Variants in WDHD1 observed in about 807,000 individuals in gnomAD.
WDHD1 encodes WD repeat and HMG-box DNA-binding protein 1.
WDHD1 carries 111 observed loss-of-function variants against 135.4 expected under a neutral mutation model. That is an observed-to-expected ratio of 0.82 (90% CI 0.70 to 0.96). The LOEUF is 0.96. Ranked by LOEUF, WDHD1 falls within the 40% of genes least tolerant of loss-of-function variation. WDHD1 has a pLI of 0.00. For missense variants in WDHD1, 1,351 were observed against 1,336.3 expected (o/e 1.01, Z -0.17); for synonymous variants, 434 against 439.0 (o/e 0.99, Z 0.14).
At chr14:54,989,923 C>T (rs1168067784) in intron 12 of WDHD1, among the ~76,000 whole-genome samples, 2 of 152,132 alleles carry the variant, frequency 1.3e-5, no homozygotes, top group Non-Finnish European at 2.9e-5. Flanking sequence ...CTTGGCCTCC[C>T]AAAGTGCTGG....
chr14:54,960,420 A>G lies in WDHD1; in HGVS notation c.2701+2078T>C, dbSNP rs570275269. On this transcript the variant is annotated intron_variant, in intron 21 of 25. Coordinates refer to ENST00000360586, the MANE Select transcript of WDHD1 (RefSeq NM_007086.4). ...CCTGACCTCGTGATCCACCCTCCTC[A>G]GCCTCCCAAAGTGCTGGGATTACAG... 1.9e-4 allele frequency among the ~76,000 whole-genome samples: 29 copies of G among 151,988 alleles called. 1 individual carries two copies. The East Asian group carries it at 5.4e-3, about 29-fold the overall frequency.
intron 24 of WDHD1, among the ~76,000 whole-genome samples, chr14:54,945,482 G>A (rs2040907525): frequency 6.6e-6 from 1 of 152,102 alleles, no homozygotes; most frequent in African/African-American, 2.4e-5. Context: ...ACCTATCCCA[G>A]GTTACACAAA....
intron 23 of WDHD1, among the ~76,000 whole-genome samples, chr14:54,956,509 G>A (rs1055112362): frequency 6.6e-6 from 1 of 151,982 alleles, no homozygotes; most frequent in Non-Finnish European, 1.5e-5. Context: ...GTGATGTCAG[G>A]CCTCTGTAAT....
At chr14:54,991,073 C>T in intron 12 of WDHD1, 140 bp downstream of exon 12, 1 of 520,042 alleles carries the variant, frequency 1.9e-6, no homozygotes, top group South Asian at 3.9e-5. Context: ...ATAAACCAAC[C>T]ACAAAACTGT....
intron 16 of WDHD1, among the ~76,000 whole-genome samples, chr14:54,971,505 C>T (rs1334095926): frequency 6.6e-6 from 1 of 151,976 alleles, no homozygotes; most frequent in East Asian, 1.9e-4. Flanking sequence ...ACACAAAATA[C>T]CTAGGATATA....
At chr14:55,005,076 T>A (rs1340036803) in intron 7 of WDHD1, 2 of 540,952 alleles carry the variant, frequency 3.7e-6, no homozygotes, top group East Asian at 9.5e-5. Context: ...TTTTTCAATC[T>A]CCTCAGGAAC....
Position 54,962,071 on chromosome 14 carries a change from G to A in WDHD1, c.2701+427C>T, listed in dbSNP as rs534589647. ...AGGCTAGTCTAGAACTCCTGACCTCGTTATCCGCCCACTCCGGCCTCCCAA... is the reference window on the plus strand; with the variant it reads ...AGGCTAGTCTAGAACTCCTGACCTCATTATCCGCCCACTCCGGCCTCCCAA... On this transcript the variant is annotated intron_variant, in intron 21 of 25. Transcript: ENST00000360586. Among the ~76,000 whole-genome samples, 4 of 152,222 alleles carry A rather than the reference G, an allele frequency of 2.6e-5. No homozygotes were observed. The South Asian group carries it at 8.3e-4, about 32-fold the overall frequency.
In WDHD1 at chr14:55,002,089, C is replaced by T. The variant is rs1476685897; in HGVS notation, c.693+4G>A. 1.2e-6 allele frequency: 2 copies of T among 1,600,254 alleles called. No homozygotes were observed. Among genetic ancestry groups the T allele is most frequent in the South Asian group, 1.1e-5 (1 of 89,244 alleles). On this transcript the variant is annotated splice_donor_region_variant and intron_variant, in intron 8 of 25. Transcript: ENST00000360586. ...CACTGAAAGTGTCACTTTGTAAAACCTACCTGAGAGATGAAATTATCTGAA... is the reference window on the plus strand; with the variant it reads ...CACTGAAAGTGTCACTTTGTAAAACTTACCTGAGAGATGAAATTATCTGAA...
At chr14:54,976,110 T>G (rs1195663215) in intron 16 of WDHD1, among the ~76,000 whole-genome samples, 2 of 152,176 alleles carry the variant, frequency 1.3e-5, no homozygotes, top group Admixed American at 6.5e-5. Flanking sequence ...ACTCGAGAGC[T>G]CGAGCTCTGG....
At chr14:54,941,741 T>C (rs747180886) in intron 25 of WDHD1, 51 bp from the exon 26 acceptor site, 7 of 1,464,644 alleles carry the variant, frequency 4.8e-6, no homozygotes, top group Non-Finnish European at 4.7e-6. Context: ...AAATAACAAA[T>C]AAGAAGTAAA....
At chr14:54,994,512 T>TA (rs560450957) in intron 11 of WDHD1, among the ~76,000 whole-genome samples, 171 of 152,316 alleles carry the variant, frequency 1.1e-3, no homozygotes, top group African/African-American at 3.9e-3. Flanking sequence ...GTACTCAATA[T>TA]AAAAAATTTC....
In WDHD1 at chr14:54,944,390, G is replaced by T; in HGVS notation, c.3131C>A (p.Ala1044Glu). 1 of 1,607,876 alleles carries T rather than the reference G, an allele frequency of 6.2e-7. No homozygotes were observed. The highest frequency in any genetic ancestry group is 8.5e-7 in the Non-Finnish European group (1 of 1,178,674). Reference sequence around the variant, plus strand: ...AATCATTCCTTCTTTTATTATGTCTGCTTCATCTGAAAAGTCAGGATTGTC... The same window carrying T: ...AATCATTCCTTCTTTTATTATGTCTTCTTCATCTGAAAAGTCAGGATTGTC... ...LSDNPDFSDE[A>E]DIIKEGMIRF... The change falls in exon 25 of 26, where the codon GCA (alanine) becomes GAA (glutamate). Residue 1044 changes from alanine (A) to glutamate (E), a missense_variant. Transcript: ENST00000360586.
chr14:54,995,603 CAACT>C lies in WDHD1; in HGVS notation c.1149_1152del (p.Val384IlefsTer5). ...CACATGCACAAAGTCAAATTCTTAC[CAACT>C]GAGTTTTCATCATCTTCTAGGATGT... is the stretch of plus-strand genomic sequence containing the variant. On this transcript the variant is annotated frameshift_variant and splice_region_variant, in exon 11 of 26. Coordinates refer to ENST00000360586, the MANE Select transcript of WDHD1 (RefSeq NM_007086.4). LOFTEE classifies it high-confidence loss of function. 1.9e-6 allele frequency: 3 copies of C among 1,581,860 alleles called. No homozygotes were observed. Among genetic ancestry groups the C allele is most frequent in the Non-Finnish European group, 2.6e-6 (3 of 1,165,924 alleles).
chr14:54,980,583 C>T (rs1425856510), intron 16 of WDHD1, among the ~76,000 whole-genome samples: 1 of 151,268 alleles, frequency 6.6e-6, no homozygotes, highest in African/African-American at 2.4e-5. Context: ...TGAGGTGGAT[C>T]ACTTGAGGTC....
chr14:54,984,745 T>C lies in WDHD1; in HGVS notation c.1884A>G (p.Ala628=), dbSNP rs751109944. The C allele has an allele frequency of 2.5e-6, 4 of 1,613,080 alleles. No homozygotes were observed. Among genetic ancestry groups the C allele is most frequent in the Non-Finnish European group, 3.4e-6 (4 of 1,179,778 alleles). The part of the protein sequence containing the change: ...PLPLTRKSYL[A]WIGFSAEGTP... ...TGCCTTCAGCTGAAAACCCAATCCA[T>C]GCAAGGTAGGATTTCCTTGTAAGAG... Residue 628 remains alanine, a synonymous_variant, in exon 15 of 26, where the codon GCA becomes GCG. Coordinates refer to ENST00000360586, the MANE Select transcript of WDHD1 (RefSeq NM_007086.4).
At chr14:54,955,442 C>A in intron 24 of WDHD1, 119 bp downstream of exon 24, 1 of 1,021,866 alleles carries the variant, frequency 9.8e-7, no homozygotes, top group Non-Finnish European at 1.3e-6. Flanking sequence ...CCAGAATGCC[C>A]ACTACCAATG....
In WDHD1 at chr14:55,008,710, T is replaced by C. The variant is rs1374143493; in HGVS notation, c.351A>G (p.Leu117=). Residue 117 remains leucine, a synonymous_variant, in exon 5 of 26, where the codon CTA becomes CTG. Transcript: ENST00000360586. ...TKIAAGSSDF[L]VKIVDVMDSS... Reference sequence around the variant, plus strand: ...TATCCATCACATCCACAATTTTGACTAGAAAATCACTAAGAACAAAAAGAG... The same window carrying C: ...TATCCATCACATCCACAATTTTGACCAGAAAATCACTAAGAACAAAAAGAG... The C allele has an allele frequency of 1.9e-6, 3 of 1,609,292 alleles. No individual in the cohort carries two copies. Among genetic ancestry groups the C allele is most frequent in the African/African-American group, 2.7e-5 (2 of 74,584 alleles).
Position 54,944,440 on chromosome 14 carries a change from T to C in WDHD1, c.3081A>G (p.Glu1027=), listed in dbSNP as rs1341611873. The change falls in exon 25 of 26, where the codon GAA becomes GAG. Residue 1027 remains glutamate, a synonymous_variant. Coordinates refer to ENST00000360586, the MANE Select transcript of WDHD1 (RefSeq NM_007086.4). ...CAGACAAAATATTACTTCTATTTTC[T>C]TCTAACCACATCTGGAACCCGGTCT... ...RPKTGFQMWL[E]ENRSNILSDN... The C allele has an allele frequency of 2.5e-6, 4 of 1,603,344 alleles. No homozygotes were observed. Among genetic ancestry groups the C allele is most frequent in the Non-Finnish European group, 2.5e-6 (3 of 1,177,814 alleles).
chr14:54,961,262 T>C (rs367837682), intron 21 of WDHD1, among the ~76,000 whole-genome samples: 1 of 151,534 alleles, frequency 6.6e-6, no homozygotes, highest in Non-Finnish European at 1.5e-5. Flanking sequence ...GATGTGGAGG[T>C]GAGGAAATTG....
Sources: allele counts gnomAD v4.1 joint callset (sites outside exome capture counted in the v4.1 genomes callset), GRCh38; gene constraint gnomAD v4.1.1; transcripts MANE v1.5; gene names NCBI Gene and HGNC (gene_info 2026-07-23, HGNC 2026-07-21).